Variants in OR52E2 observed in about 807,000 individuals in gnomAD.
OR52E2 encodes olfactory receptor 52E2.
For missense variants in OR52E2, 443 were observed against 403.9 expected, an observed-to-expected ratio of 1.10 and a Z score of -0.83; for synonymous variants, 130 against 143.9, an observed-to-expected ratio of 0.90 and a Z score of 0.69.
chr11:5,058,877 C>T lies in OR52E2; in HGVS notation c.751G>A (p.Ala251Thr), dbSNP rs1564835718. 1.9e-6 allele frequency: 3 copies of T among 1,574,062 alleles called. No homozygotes were observed. The highest frequency in any genetic ancestry group is 2.7e-5 in the African/African-American group (2 of 73,322). The part of the protein sequence containing the change: ...TCGSHVCVIL[A>T]FYTPALFSFM... The stretch of plus-strand genomic sequence containing the variant: ...GAAAAGAGGGCTGGTGTATAGAAGG[C>T]AAGGATTACACACACATGTGAACCA... Residue 251 changes from alanine to threonine, a missense_variant, in exon 1 of 1, where the codon GCC (alanine) becomes ACC (threonine). Coordinates refer to ENST00000321522, the MANE Select transcript of OR52E2 (RefSeq NM_001005164.2).
Position 5,059,050 on chromosome 11 carries a change from C to T in OR52E2, c.578G>A (p.Ser193Asn). ...ACCATAAATAATATTGATTTTGATG[C>T]TGGCACAAGATAGATGAGCAAGACC... The part of the protein sequence containing the change: ...HMGLAHLSCA[S>N]IKINIIYGLC... Residue 193 changes from serine to asparagine, a missense_variant, in exon 1 of 1, where the codon AGC (serine) becomes AAC (asparagine). Transcript: ENST00000321522. 6.2e-7 allele frequency: 1 copy of T among 1,613,530 alleles called. No homozygotes were observed. Among genetic ancestry groups the T allele is most frequent in the Non-Finnish European group, 8.5e-7 (1 of 1,179,778 alleles).
In OR52E2 at chr11:5,059,297, G is replaced by A. The variant is rs374783754; in HGVS notation, c.331C>T (p.Leu111Phe). The A allele has an allele frequency of 1.2e-6, 2 of 1,613,762 alleles. No individual in the cohort carries two copies. The highest frequency in any genetic ancestry group is 1.7e-5 in the Admixed American group (1 of 59,924). ...GCCACAAGGACTGCTGACTCCATAA[G>A]TGTGAAGTTGTGGATAAAAAACATC... The part of the protein sequence containing the change: ...TQMFFIHNFT[L>F]MESAVLVAMA... Residue 111 changes from leucine (L) to phenylalanine (F), a missense_variant, in exon 1 of 1, where the codon CTT becomes TTT. Physicochemically the swap from Leu to Phe is conservative, Grantham distance 22. Transcript: ENST00000321522.
rs1450415881 is a variant in OR52E2 at position 5,058,968 on chromosome 11, C to T, written c.660G>A (p.Val220=). The change falls in exon 1 of 1, where the codon GTG becomes GTA. Residue 220 remains valine, a synonymous_variant. Transcript: ENST00000321522. ...GACGGAAAACAGCACAAAGAATATG[C>T]ACATAAGAAAGGGCAATGACTGTGA... ...FDITVIALSY[V]HILCAVFRLP... 6.2e-7 allele frequency: 1 copy of T among 1,611,612 alleles called. No individual in the cohort carries two copies. Among genetic ancestry groups the T allele is most frequent in the Admixed American group, 1.7e-5 (1 of 59,706 alleles).
Position 5,059,172 on chromosome 11 carries a change from C to T in OR52E2, c.456G>A (p.Val152=), listed in dbSNP as rs1847685838. 2 of 1,613,634 alleles carry T rather than the reference C, an allele frequency of 1.2e-6. No individual in the cohort carries two copies. Among genetic ancestry groups the T allele is most frequent in the Non-Finnish European group, 1.7e-6 (2 of 1,179,860 alleles). ...AGGGAATGACGAAAATTAAAGCCCT[C>T]ACAAACACACCAAGACCAATCACAG... ...VVSVIGLGVF[V]RALIFVIPSI... Residue 152 remains valine (V), a synonymous_variant, in exon 1 of 1, where the codon GTG becomes GTA. Transcript: ENST00000321522.
rs774345486 is a variant in OR52E2, at chr11:5,059,454, G to A, written c.174C>T (p.His58=). 6.2e-7 allele frequency: 1 copy of A among 1,613,766 alleles called. No individual in the cohort carries two copies. Among genetic ancestry groups the A allele is most frequent in the Non-Finnish European group, 8.5e-7 (1 of 1,179,916 alleles). Residue 58 remains histidine, a synonymous_variant, in exon 1 of 1, where the codon CAC becomes CAT. Coordinates refer to ENST00000321522, the MANE Select transcript of OR52E2 (RefSeq NM_001005164.2). ...LLVIKTDSSL[H]QPMFYFLAML... The stretch of plus-strand genomic sequence containing the variant: ...TGGCCAGGAAGTAGAACATGGGCTG[G>A]TGTAGGCTGCTGTCAGTCTTGATCA...
At position 5,058,993 on chromosome 11, in the gene OR52E2, A is replaced by G; in HGVS notation, c.635T>C (p.Ile212Thr). ...CACATAAGAAAGGGCAATGACTGTG[A>G]TGTCAAACACTAGATTACAAATGGC... ...LCAICNLVFD[I>T]TVIALSYVHI... is the part of the protein sequence containing the mutation. Residue 212 changes from isoleucine (I) to threonine (T), a missense_variant, in exon 1 of 1, where the codon ATC becomes ACC. Transcript: ENST00000321522. The G allele has an allele frequency of 6.2e-7, 1 of 1,613,676 alleles. No individual in the cohort carries two copies. The highest frequency in any genetic ancestry group is 8.5e-7 in the Non-Finnish European group (1 of 1,179,820).
chr11:5,058,954 G>A lies in OR52E2; in HGVS notation c.674C>T (p.Ala225Val). The change falls in exon 1 of 1, where the codon GCT becomes GTT. Residue 225 changes from alanine (A) to valine (V), a missense_variant. Transcript: ENST00000321522. ...IALSYVHILC[A>V]VFRLPTHEAR... is the part of the protein sequence containing the mutation. ...TTCATGAGTAGGAAGACGGAAAACA[G>A]CACAAAGAATATGCACATAAGAAAG... 5 of 1,609,290 alleles carry A rather than the reference G, an allele frequency of 3.1e-6. No homozygotes were observed. The highest frequency in any genetic ancestry group is 4.2e-6 in the Non-Finnish European group (5 of 1,177,872).
Position 5,059,185 on chromosome 11 carries a change from A to G in OR52E2, c.443T>C (p.Leu148Pro). 6.2e-7 allele frequency: 1 copy of G among 1,613,852 alleles called. No individual in the cohort carries two copies. The change falls in exon 1 of 1, where the codon CTT becomes CCT. Residue 148 changes from leucine (L) to proline (P), a missense_variant. Transcript: ENST00000321522. ...AATTAAAGCCCTCACAAACACACCA[A>G]GACCAATCACAGAAACAACCTTGTT... ...LTNKVVSVIG[L>P]GVFVRALIFV...
rs751866819 is a variant in OR52E2, at chr11:5,059,204, C to G, written c.424G>C (p.Val142Leu). 6.2e-7 allele frequency: 1 copy of G among 1,613,682 alleles called. No individual in the cohort carries two copies. The highest frequency in any genetic ancestry group is 8.5e-7 in the Non-Finnish European group (1 of 1,179,908). The change falls in exon 1 of 1, where the codon GTT becomes CTT. Residue 142 changes from valine to leucine, a missense_variant. By Grantham distance (32) the Val-to-Leu change is conservative. Transcript: ENST00000321522. ...LQYSAILTNK[V>L]VSVIGLGVFV... is the part of the protein sequence containing the mutation. ...ACACCAAGACCAATCACAGAAACAA[C>G]CTTGTTGGTGAGGATGGCGCTATAT...
chr11:5,058,838 G>A lies in OR52E2; in HGVS notation c.790C>T (p.Arg264Cys), dbSNP rs2500052. ...TAGCGGGGCACATTTCGGCCAAAGC[G>A]ATGAGTCATAAAGGAAAAGAGGGCT... is the stretch of plus-strand genomic sequence containing the variant. Reference protein sequence around the residue: ...TPALFSFMTHRFGRNVPRYIH... With the variant: ...TPALFSFMTHCFGRNVPRYIH... Residue 264 changes from arginine (R) to cysteine (C), a missense_variant, in exon 1 of 1, where the codon CGC (arginine) becomes TGC (cysteine). Transcript: ENST00000321522. 791,038 of 1,573,276 alleles carry A rather than the reference G, an allele frequency of 0.5. 201,473 individuals are homozygous for A. Among genetic ancestry groups the A allele is most frequent in the African/African-American group, 0.64 (46,449 of 73,022 alleles).
Position 5,059,189 on chromosome 11 carries a change from C to G in OR52E2, c.439G>C (p.Gly147Arg), listed in dbSNP as rs1363423527. The G allele has an allele frequency of 1.2e-6, 2 of 1,613,468 alleles. No homozygotes were observed. The highest frequency in any genetic ancestry group is 1.7e-5 in the Admixed American group (1 of 59,870). Reference sequence around the variant, plus strand: ...AAAGCCCTCACAAACACACCAAGACCAATCACAGAAACAACCTTGTTGGTG... The same window carrying G: ...AAAGCCCTCACAAACACACCAAGACGAATCACAGAAACAACCTTGTTGGTG... ...ILTNKVVSVI[G>R]LGVFVRALIF... Residue 147 changes from glycine (G) to arginine (R), a missense_variant, in exon 1 of 1, where the codon GGT becomes CGT. Transcript: ENST00000321522.
At position 5,059,285 on chromosome 11, in the gene OR52E2, C is replaced by T. The variant is rs1847687786; in HGVS notation, c.343G>A (p.Ala115Thr). ...FIHNFTLMES[A>T]VLVAMAYDSY... ...TCATAAGCCATTGCCACAAGGACTG[C>T]TGACTCCATAAGTGTGAAGTTGTGG... Residue 115 changes from alanine to threonine, a missense_variant, in exon 1 of 1, where the codon GCA becomes ACA. Transcript: ENST00000321522. 1 of 1,613,650 alleles carries T rather than the reference C, an allele frequency of 6.2e-7. No homozygotes were observed.
At position 5,059,387 on chromosome 11, in the gene OR52E2, G is replaced by A. The variant is rs775753526; in HGVS notation, c.241C>T (p.Pro81Ser). 1 of 1,613,798 alleles carries A rather than the reference G, an allele frequency of 6.2e-7. No homozygotes were observed. The highest frequency in any genetic ancestry group is 8.5e-7 in the Non-Finnish European group (1 of 1,179,884). Residue 81 changes from proline to serine, a missense_variant, in exon 1 of 1, where the codon CCT (proline) becomes TCT (serine). Pro to Ser is a moderately conservative substitution (Grantham distance 74). Transcript: ENST00000321522. Reference protein sequence around the residue: ...TDVGLSTATIPKMLGIFWINL... With the variant: ...TDVGLSTATISKMLGIFWINL... ...ATCCAGAAGATTCCAAGCATCTTAG[G>A]GATGGTAGCTGTTGAGAGACCCACA...
At position 5,059,004 on chromosome 11, in the gene OR52E2, T is replaced by C. The variant is rs2445333; in HGVS notation, c.624A>G (p.Leu208=). The C allele has an allele frequency of 0.29, 471,881 of 1,612,836 alleles. 71,210 individuals carry two copies. The highest frequency in any genetic ancestry group is 0.38 in the South Asian group (34,799 of 90,950). The change falls in exon 1 of 1, where the codon CTA becomes CTG. Residue 208 remains leucine (L), a synonymous_variant. Coordinates refer to ENST00000321522, the MANE Select transcript of OR52E2 (RefSeq NM_001005164.2). Reference sequence around the variant, plus strand: ...GGGCAATGACTGTGATGTCAAACACTAGATTACAAATGGCACATAAACCAT... The same window carrying C: ...GGGCAATGACTGTGATGTCAAACACCAGATTACAAATGGCACATAAACCAT... ...IIYGLCAICN[L]VFDITVIALS...
Position 5,059,454 on chromosome 11 carries a change from G to C in OR52E2, c.174C>G (p.His58Gln). Residue 58 changes from histidine (H) to glutamine (Q), a missense_variant, in exon 1 of 1, where the codon CAC becomes CAG. Coordinates refer to ENST00000321522, the MANE Select transcript of OR52E2 (RefSeq NM_001005164.2). Reference sequence around the variant, plus strand: ...TGGCCAGGAAGTAGAACATGGGCTGGTGTAGGCTGCTGTCAGTCTTGATCA... The same window carrying C: ...TGGCCAGGAAGTAGAACATGGGCTGCTGTAGGCTGCTGTCAGTCTTGATCA... ...LLVIKTDSSL[H>Q]QPMFYFLAML... is the part of the protein sequence containing the mutation. The C allele has an allele frequency of 6.2e-6, 10 of 1,613,884 alleles. No individual in the cohort carries two copies. The Middle Eastern group carries it at 1.2e-3, about 187-fold the overall frequency.
At position 5,059,120 on chromosome 11, in the gene OR52E2, A is replaced by G; in HGVS notation, c.508T>C (p.Phe170Leu). 1 of 1,613,548 alleles carries G rather than the reference A, an allele frequency of 6.2e-7. No homozygotes were observed. Among genetic ancestry groups the G allele is most frequent in the Non-Finnish European group, 8.5e-7 (1 of 1,179,852 alleles). ...PSILLILRLP[F>L]CGNHVIPHTY... ...TGGGGAATTACATGATTCCCACAGA[A>G]GGGCAACCGCAATATAAGAAGTATA... Residue 170 changes from phenylalanine to leucine, a missense_variant, in exon 1 of 1, where the codon TTC (phenylalanine) becomes CTC (leucine). Phe to Leu is a conservative substitution (Grantham distance 22). Coordinates refer to ENST00000321522, the MANE Select transcript of OR52E2 (RefSeq NM_001005164.2).
In OR52E2 at chr11:5,059,128, C is replaced by A. The variant is rs780415265; in HGVS notation, c.500G>T (p.Arg167Leu). 3.1e-6 allele frequency: 5 copies of A among 1,613,360 alleles called. No homozygotes were observed. Among genetic ancestry groups the A allele is most frequent in the Non-Finnish European group, 3.4e-6 (4 of 1,179,822 alleles). The change falls in exon 1 of 1, where the codon CGG (arginine) becomes CTG (leucine). Residue 167 changes from arginine to leucine, a missense_variant. By Grantham distance (102) the Arg-to-Leu change is moderately radical (BLOSUM62 -2). Transcript: ENST00000321522. ...TACATGATTCCCACAGAAGGGCAAC[C>A]GCAATATAAGAAGTATAGAGGGAAT... ...FVIPSILLIL[R>L]LPFCGNHVIP...
Position 5,059,219 on chromosome 11 carries a change from T to C in OR52E2, c.409A>G (p.Ile137Val). 1 of 1,613,626 alleles carries C rather than the reference T, an allele frequency of 6.2e-7. No homozygotes were observed. Among genetic ancestry groups the C allele is most frequent in the South Asian group, 1.1e-5 (1 of 91,028 alleles). The part of the protein sequence containing the change: ...AICNPLQYSA[I>V]LTNKVVSVIG... ...ACAGAAACAACCTTGTTGGTGAGGA[T>C]GGCGCTATATTGGAGTGGATTGCAG... is the stretch of plus-strand genomic sequence containing the variant. The change falls in exon 1 of 1, where the codon ATC (isoleucine) becomes GTC (valine). Residue 137 changes from isoleucine to valine, a missense_variant. Transcript: ENST00000321522.
In OR52E2 at chr11:5,058,714, T is replaced by C. The variant is rs1329677224; in HGVS notation, c.914A>G (p.Lys305Arg). Residue 305 changes from lysine to arginine, a missense_variant, in exon 1 of 1, where the codon AAG (lysine) becomes AGG (arginine). Transcript: ENST00000321522. ...TCCTTGTTCCTGCAATAATATTTTCTTCACACATTTATAGATCTGCTTGGT... is the reference window on the plus strand; with the variant it reads ...TCCTTGTTCCTGCAATAATATTTTCCTCACACATTTATAGATCTGCTTGGT... ...VRTKQIYKCV[K>R]KILLQEQGME... The C allele has an allele frequency of 6.5e-7, 1 of 1,534,236 alleles. No individual in the cohort carries two copies. The highest frequency in any genetic ancestry group is 2.1e-5 in the Admixed American group (1 of 46,854).
Sources: gnomAD v4.1 joint callset for allele counts on GRCh38, gnomAD v4.1.1 for gene constraint, MANE v1.5 for transcripts, NCBI Gene and HGNC (gene_info 2026-07-23, HGNC 2026-07-21) for gene names.